CSMD1: variants seen among roughly 807,000 people sequenced by gnomAD.
The protein encoded by CSMD1 is CUB and Sushi multiple domains 1, also known as CUB and sushi domain-containing protein 1.
CSMD1 carries 213 observed loss-of-function variants against 417.5 expected under a neutral mutation model. The ratio of observed to expected loss-of-function variants is 0.51; its 90% CI spans 0.46 to 0.57. The LOEUF is 0.57. Among genes scored for constraint, CSMD1 ranks in the 20% least tolerant of loss-of-function variants. CSMD1 has a pLI of 0.00. For missense variants in CSMD1, 6,923 were observed against 4,529.7 expected, an observed-to-expected ratio of 1.53 and a Z score of -15.17; for synonymous variants, 2,862 against 1,736.8, an observed-to-expected ratio of 1.65 and a Z score of -16.11.
At chr8:4,954,112 T>G (rs1407988037) in intron 1 of CSMD1, among the ~76,000 whole-genome samples, 3 of 150,734 alleles carry the variant, frequency 2.0e-5, no homozygotes, top group Admixed American at 1.3e-4. Context: ...TTTAAACACA[T>G]TATTTTATTT....
intron 7 of CSMD1, among the ~76,000 whole-genome samples, chr8:3,652,988 C>A (rs1797935133): frequency 6.6e-6 from 1 of 152,138 alleles, no homozygotes; most frequent in Non-Finnish European, 1.5e-5. Flanking sequence ...TTAGCATTGT[C>A]TGCACTATTA....
chr8:4,817,810 G>A (rs1207421913), intron 1 of CSMD1, among the ~76,000 whole-genome samples: 5 of 152,154 alleles, frequency 3.3e-5, no homozygotes, highest in Admixed American at 6.5e-5. Context: ...TGATATATAA[G>A]TGCAGGGAGC....
intron 1 of CSMD1, among the ~76,000 whole-genome samples, chr8:4,658,720 T>C (rs1215635919): frequency 1.3e-5 from 2 of 152,190 alleles, no homozygotes; most frequent in East Asian, 3.8e-4. Context: ...AAAGTCACTA[T>C]TCTTATACTT....
At chr8:4,004,328 T>C (rs924604525) in intron 4 of CSMD1, among the ~76,000 whole-genome samples, 14 of 152,040 alleles carry the variant, frequency 9.2e-5, no homozygotes, top group Admixed American at 8.5e-4. Flanking sequence ...TAGAACTTTA[T>C]GTGTTTCTGA....
At chr8:4,603,974 A>G (rs542167685) in intron 2 of CSMD1, among the ~76,000 whole-genome samples, 1 of 152,176 alleles carries the variant, frequency 6.6e-6, no homozygotes, top group African/African-American at 2.4e-5. Flanking sequence ...TAAATTACAA[A>G]TTGACATGTT....
intron 52 of CSMD1, among the ~76,000 whole-genome samples, chr8:3,013,092 C>A (rs962058246): frequency 6.6e-6 from 1 of 152,166 alleles, no homozygotes; most frequent in Non-Finnish European, 1.5e-5. Flanking sequence ...AAACTCCTTT[C>A]CTTTATAAAT....
intron 3 of CSMD1, among the ~76,000 whole-genome samples, chr8:4,062,262 T>G (rs766544804): frequency 7.2e-5 from 11 of 152,078 alleles, no homozygotes; most frequent in Non-Finnish European, 1.5e-4. Context: ...ATGTCATAAA[T>G]GCTGCAATAA....
rs553065863 is a variant in CSMD1, at chr8:3,816,857, C to T, written c.819-62815G>A. On this transcript the variant is annotated intron_variant, in intron 5 of 69. Coordinates refer to ENST00000635120, the MANE Select transcript of CSMD1 (RefSeq NM_033225.6). ...TCTACTAGGGGTTTGGAACATATTT[C>T]TCAGGGGTAAGGGGGCACTATATAT... Among the ~76,000 whole-genome samples, 3 of 152,130 alleles carry T rather than the reference C, an allele frequency of 2.0e-5. No homozygotes were observed. The South Asian group carries it at 6.2e-4, about 32-fold the overall frequency.
chr8:3,293,033 A>C (rs948804733), intron 25 of CSMD1, among the ~76,000 whole-genome samples: 1 of 149,280 alleles, frequency 6.7e-6, no homozygotes, highest in Non-Finnish European at 1.5e-5. Context: ...TGGTGACAAA[A>C]TCTCTCAGCA....
At chr8:3,493,478 G>A (rs545388439) in intron 11 of CSMD1, 145 bp downstream of exon 11, 3 of 591,282 alleles carry the variant, frequency 5.1e-6, no homozygotes, top group Non-Finnish European at 9.0e-6. Context: ...CATACAAAAT[G>A]AGATTGCAGG....
At chr8:4,111,177 C>G (rs1344717768) in intron 3 of CSMD1, among the ~76,000 whole-genome samples, 1 of 152,084 alleles carries the variant, frequency 6.6e-6, no homozygotes, top group Non-Finnish European at 1.5e-5. Context: ...TTTCCCTGTT[C>G]CCAATATTTT....
At chr8:4,538,132 A>T (rs1416751120) in intron 2 of CSMD1, among the ~76,000 whole-genome samples, 1 of 151,772 alleles carries the variant, frequency 6.6e-6, no homozygotes, top group African/African-American at 2.4e-5. Flanking sequence ...AGAGCCTGTG[A>T]TGTCATTTGG....
At chr8:4,773,800 T>C (rs1421607462) in intron 1 of CSMD1, among the ~76,000 whole-genome samples, 3 of 152,196 alleles carry the variant, frequency 2.0e-5, no homozygotes, top group Non-Finnish European at 4.4e-5. Flanking sequence ...ACATGCCATG[T>C]CATAAATTCC....
chr8:3,786,207 G>C (rs777279743), intron 5 of CSMD1, among the ~76,000 whole-genome samples: 1 of 152,058 alleles, frequency 6.6e-6, no homozygotes, highest in African/African-American at 2.4e-5. Flanking sequence ...TGTTATTTTG[G>C]GCACGTTGGG....
rs1340999193 is a variant in CSMD1 at position 4,650,828 on chromosome 8, T to G, written c.86-13270A>C. 2.0e-5 allele frequency among the ~76,000 whole-genome samples: 3 copies of G among 152,194 alleles called. No individual in the cohort carries two copies. The East Asian group carries it at 5.8e-4, about 29-fold the overall frequency. On this transcript the variant is annotated intron_variant, in intron 1 of 69. Coordinates refer to ENST00000635120, the MANE Select transcript of CSMD1 (RefSeq NM_033225.6). ...TTTACCCAAGTTTTGCTTCCAAGGT[T>G]GTAGAGTAGAAAGCAGAAAAATAGC...
chr8:4,349,438 G>A (rs1019294048), intron 3 of CSMD1, among the ~76,000 whole-genome samples: 2 of 152,146 alleles, frequency 1.3e-5, no homozygotes, highest in African/African-American at 2.4e-5. Flanking sequence ...AGAAAAGTCA[G>A]ATTTACAACT....
At chr8:3,506,456 G>A (rs1405315463) in intron 10 of CSMD1, among the ~76,000 whole-genome samples, 1 of 152,124 alleles carries the variant, frequency 6.6e-6, no homozygotes, top group Admixed American at 6.5e-5. Context: ...TCTCACCACT[G>A]GTCATGGCCA....
intron 2 of CSMD1, among the ~76,000 whole-genome samples, chr8:4,568,634 C>G (rs75601350): frequency 3.3e-5 from 5 of 152,008 alleles, no homozygotes; most frequent in Non-Finnish European, 7.4e-5. Context: ...GGGTATATAC[C>G]CAGTAAAGGG....
intron 5 of CSMD1, among the ~76,000 whole-genome samples, chr8:3,899,839 T>G (rs1002802447): frequency 6.6e-6 from 1 of 152,200 alleles, no homozygotes; most frequent in Non-Finnish European, 1.5e-5. Flanking sequence ...ACAGGTACTG[T>G]GTCCTGAAAA....
Sources: gnomAD v4.1 joint callset for allele counts (sites outside exome capture counted in the v4.1 genomes callset) on GRCh38, gnomAD v4.1.1 for gene constraint, MANE v1.5 for transcripts, NCBI Gene and HGNC (gene_info 2026-07-23, HGNC 2026-07-21) for gene names.